NAALADL2: variants seen among roughly 807,000 people sequenced by gnomAD.
The protein encoded by NAALADL2 is inactive N-acetylated-alpha-linked acidic dipeptidase-like protein 2.
NAALADL2 carries 76 observed loss-of-function variants against 87.2 expected under a neutral mutation model. The ratio of observed to expected loss-of-function variants is 0.87; its 90% CI spans 0.72 to 1.05. The LOEUF (loss-of-function observed/expected upper bound fraction) is 1.05, where lower values mean the gene tolerates loss of function less well. Among genes scored for constraint, NAALADL2 ranks in the 50% least tolerant of loss-of-function variants. The pLI is 0.00. For synonymous variants in NAALADL2, 354 were observed against 331.0 expected, an observed-to-expected ratio of 1.07 and a Z score of -0.75; for missense variants, 1,089 against 945.8, an observed-to-expected ratio of 1.15 and a Z score of -1.99.
chr3:175,733,005 A>G (rs1743989113), intron 11 of NAALADL2, among the ~76,000 whole-genome samples: 2 of 152,116 alleles, frequency 1.3e-5, no homozygotes, highest in Non-Finnish European at 2.9e-5. Flanking sequence ...AACCACCATC[A>G]TCTACATTTA....
intron 1 of NAALADL2, among the ~76,000 whole-genome samples, chr3:174,477,364 A>T (rs1232132385): frequency 6.6e-6 from 1 of 152,124 alleles, no homozygotes; most frequent in Non-Finnish European, 1.5e-5. Context: ...GGATGGAATA[A>T]AACCACGTGG....
At chr3:174,455,026 A>G (rs1254162801) in intron 1 of NAALADL2, among the ~76,000 whole-genome samples, 2 of 152,020 alleles carry the variant, frequency 1.3e-5, no homozygotes, top group African/African-American at 4.8e-5. Context: ...AATAAAGGCT[A>G]TTTAGAAATG....
At chr3:175,232,529 TA>T (rs1745139374) in intron 2 of NAALADL2, among the ~76,000 whole-genome samples, 1 of 152,120 alleles carries the variant, frequency 6.6e-6, no homozygotes, top group Non-Finnish European at 1.5e-5. Context: ...GGGCCACACA[TA>T]AAATACATTA....
intron 12 of NAALADL2, among the ~76,000 whole-genome samples, chr3:175,743,247 C>G (rs1296997527): frequency 6.6e-6 from 1 of 152,100 alleles, no homozygotes; most frequent in Non-Finnish European, 1.5e-5. Context: ...GTGATCTGCC[C>G]GCCTTGGCCT....
At chr3:175,164,049 G>T (rs1306696064) in intron 2 of NAALADL2, among the ~76,000 whole-genome samples, 1 of 152,154 alleles carries the variant, frequency 6.6e-6, no homozygotes, top group Non-Finnish European at 1.5e-5. Context: ...TTTAAAAAGT[G>T]ATTGCATGTC....
intron 1 of NAALADL2, among the ~76,000 whole-genome samples, chr3:174,892,470 A>G (rs985244741): frequency 3.3e-5 from 5 of 152,208 alleles, no homozygotes; most frequent in Non-Finnish European, 7.3e-5. Flanking sequence ...GACAAAAAAA[A>G]GTACATCTGT....
At chr3:175,371,644 G>A (rs1280486234) in intron 5 of NAALADL2, among the ~76,000 whole-genome samples, 1 of 151,690 alleles carries the variant, frequency 6.6e-6, no homozygotes, top group Non-Finnish European at 1.5e-5. Flanking sequence ...GGCCAAGATG[G>A]CGAAATCCCG....
At chr3:174,776,439 C>T (rs62287835) in intron 3 of NAALADL2, among the ~76,000 whole-genome samples, 18 of 152,088 alleles carry the variant, frequency 1.2e-4, no homozygotes, top group Non-Finnish European at 2.6e-4. Flanking sequence ...TCCACAGTTC[C>T]AGAGACACTT....
intron 2 of NAALADL2, among the ~76,000 whole-genome samples, chr3:175,200,901 A>T (rs1456090940): frequency 6.6e-6 from 1 of 152,212 alleles, no homozygotes; most frequent in Admixed American, 6.5e-5. Context: ...CTTCAACTTG[A>T]TTTCTTTCCA....
At chr3:174,721,616 G>A (rs529232029) in intron 2 of NAALADL2, among the ~76,000 whole-genome samples, 1 of 152,346 alleles carries the variant, frequency 6.6e-6, no homozygotes, top group Admixed American at 6.5e-5. Context: ...AGAGCTCGAA[G>A]CAGCAGAATT....
chr3:175,279,486 G>T (rs796526014), intron 4 of NAALADL2, among the ~76,000 whole-genome samples: 8 of 147,430 alleles, frequency 5.4e-5, no homozygotes, highest in African/African-American at 1.8e-4. Flanking sequence ...AAAACATGAG[G>T]TTTTTTTTTT....
intron 2 of NAALADL2, among the ~76,000 whole-genome samples, chr3:174,564,276 A>G (rs1190566389): frequency 1.3e-5 from 2 of 152,078 alleles, no homozygotes; most frequent in African/African-American, 2.4e-5. Flanking sequence ...AAGGCTCTGG[A>G]TTGGTTTACA....
chr3:175,799,591 A>C (rs114544889), intron 13 of NAALADL2, among the ~76,000 whole-genome samples: 2,287 of 152,248 alleles, frequency 0.015, 36 homozygotes, highest in South Asian at 0.028. Context: ...ACGTACAAAA[A>C]TATTCCAGGC....
chr3:174,450,034 CA>C (rs1224171026), intron 1 of NAALADL2, among the ~76,000 whole-genome samples: 1 of 152,020 alleles, frequency 6.6e-6, no homozygotes. Flanking sequence ...CACACACACA[CA>C]CACACACACA....
chr3:175,737,234 TAATG>T, intron 11 of NAALADL2, 68 bp from the exon 12 acceptor site: 1 of 880,786 alleles, frequency 1.1e-6, no homozygotes, highest in Non-Finnish European at 1.9e-6. Flanking sequence ...ATATCTGAAA[TAATG>T]AAAAACAAAC....
At chr3:175,184,678 GC>G (rs1455162386) in intron 2 of NAALADL2, among the ~76,000 whole-genome samples, 1 of 152,004 alleles carries the variant, frequency 6.6e-6, no homozygotes. Context: ...GTTTTAACCT[GC>G]AGTTTACTGC....
intron 13 of NAALADL2, among the ~76,000 whole-genome samples, 158 bp from the exon 14 acceptor site, chr3:175,802,847 T>G (rs1376922683): frequency 6.6e-6 from 1 of 151,772 alleles, no homozygotes; most frequent in East Asian, 1.9e-4. Flanking sequence ...ATGTCTAAAT[T>G]TGTTAATTCA....
At chr3:175,695,284 G>A (rs745556667) in intron 11 of NAALADL2, among the ~76,000 whole-genome samples, 3 of 152,074 alleles carry the variant, frequency 2.0e-5, no homozygotes, top group Non-Finnish European at 4.4e-5. Context: ...AGTTGCTAAA[G>A]TTTATTTTTC....
rs149495848 is a variant in NAALADL2, at chr3:175,061,728, AATATATATAT to A, written c.44-35046_44-35037del. The stretch of plus-strand genomic sequence containing the variant: ...TTAGTTTCACCTGCTCACTTGCACA[AATATATATAT>A]ATATATATATATATAGTTTTATACA... On this transcript the variant is annotated intron_variant, in intron 1 of 13. Transcript: ENST00000454872. 6.3e-4 allele frequency among the ~76,000 whole-genome samples: 89 copies of A among 141,558 alleles called. 1 individual carries two copies. The highest frequency in any genetic ancestry group is 2.0e-3 in the African/African-American group (79 of 39,264). 92.9% of individuals were successfully genotyped at this position (141,558 alleles called of 152,430 possible).
Sources: allele counts gnomAD v4.1 joint callset (sites outside exome capture counted in the v4.1 genomes callset), GRCh38; gene constraint gnomAD v4.1.1; transcripts MANE v1.5; gene names NCBI Gene and HGNC (gene_info 2026-07-23, HGNC 2026-07-21).